The following PKN2 variants were observed in gnomAD, a reference collection of about 807,000 sequenced individuals.
PKN2 encodes the protein protein kinase N2.
PKN2 carries 38 observed loss-of-function variants against 119.1 expected under a neutral mutation model. The ratio of observed to expected loss-of-function variants is 0.32; its 90% CI spans 0.25 to 0.42. The LOEUF (loss-of-function observed/expected upper bound fraction) is 0.42. Ranked by LOEUF, PKN2 falls within the 10% of genes least tolerant of loss-of-function variation. The pLI, the probability that PKN2 is intolerant of heterozygous loss-of-function variation, is 1.00. For synonymous variants in PKN2, 390 were observed against 384.9 expected (o/e 1.01, Z -0.15); for missense variants, 850 against 1,165.1 (o/e 0.73, Z 3.94).
intron 8 of PKN2, among the ~76,000 whole-genome samples, chr1:88,797,898 A>G (rs571518719): frequency 1.4e-4 from 21 of 152,058 alleles, no homozygotes; most frequent in Middle Eastern, 3.2e-3. Flanking sequence ...GGAGGCTGAC[A>G]TGGGAGAATG....
chr1:88,732,627 T>C (rs1050776624), intron 1 of PKN2, among the ~76,000 whole-genome samples: 1 of 152,192 alleles, frequency 6.6e-6, no homozygotes, highest in African/African-American at 2.4e-5. Context: ...GAACATATTA[T>C]TAATTTTAAA....
chr1:88,797,790 C>G (rs1205502391), intron 8 of PKN2, among the ~76,000 whole-genome samples: 1 of 152,050 alleles, frequency 6.6e-6, no homozygotes, highest in Non-Finnish European at 1.5e-5. Flanking sequence ...TCTTACCTCT[C>G]TGATCTGTAA....
At chr1:88,696,931 TG>T (rs1382698191) in intron 1 of PKN2, among the ~76,000 whole-genome samples, 3 of 152,194 alleles carry the variant, frequency 2.0e-5, no homozygotes, top group African/African-American at 7.2e-5. Flanking sequence ...TCCCTATCTT[TG>T]CATATGCTGA....
chr1:88,800,588 CCCAT>C (rs1671263857), intron 8 of PKN2, among the ~76,000 whole-genome samples: 1 of 152,194 alleles, frequency 6.6e-6, no homozygotes, highest in Admixed American at 6.5e-5. Context: ...CTCACAGTGT[CCCAT>C]AGATGTCGCT....
At chr1:88,745,049 G>A (rs1668719838) in intron 2 of PKN2, among the ~76,000 whole-genome samples, 1 of 152,104 alleles carries the variant, frequency 6.6e-6, no homozygotes, top group Admixed American at 6.5e-5. Context: ...AAGCATTTAA[G>A]AAAATTCAAC....
intron 2 of PKN2, among the ~76,000 whole-genome samples, chr1:88,750,983 G>A (rs1293928735): frequency 6.6e-6 from 1 of 152,094 alleles, no homozygotes; most frequent in Non-Finnish European, 1.5e-5. Flanking sequence ...AGTGCTGTTA[G>A]TTTCTTGATT....
chr1:88,770,821 G>A (rs1187209179), intron 4 of PKN2, among the ~76,000 whole-genome samples: 4 of 150,676 alleles, frequency 2.7e-5, no homozygotes, highest in African/African-American at 7.3e-5. Context: ...TCCTGACCTC[G>A]TGATCCGCCC....
At chr1:88,770,039 A>G (rs1448038078) in intron 3 of PKN2, among the ~76,000 whole-genome samples, 1 of 152,226 alleles carries the variant, frequency 6.6e-6, no homozygotes, top group Non-Finnish European at 1.5e-5. Context: ...CACTATATGT[A>G]TGCATACCAA....
intron 8 of PKN2, among the ~76,000 whole-genome samples, chr1:88,788,414 G>A (rs997590084): frequency 2.6e-4 from 39 of 152,152 alleles, no homozygotes; most frequent in African/African-American, 9.2e-4. Context: ...CTCAGGCTAA[G>A]TAACTAGCGT....
At chr1:88,751,590 A>G (rs1669001105) in intron 2 of PKN2, among the ~76,000 whole-genome samples, 1 of 152,152 alleles carries the variant, frequency 6.6e-6, no homozygotes, top group Non-Finnish European at 1.5e-5. Flanking sequence ...ATTATGTAAT[A>G]AACTTAGAAT....
Position 88,771,594 on chromosome 1 carries a change from G to T in PKN2, c.768+28G>T, listed in dbSNP as rs199579064. ...AATTTTAAATAAAAATTTTTATTTG[G>T]TTTAATAAATACATTATTCAAAGTA... On this transcript the variant is annotated intron_variant, in intron 5 of 21. Coordinates refer to ENST00000370521, the MANE Select transcript of PKN2 (RefSeq NM_006256.4). 198 of 1,564,230 alleles carry T rather than the reference G, an allele frequency of 1.3e-4. No individual in the cohort carries two copies. The African/African-American group carries it at 2.4e-3, about 19-fold the overall frequency.
intron 2 of PKN2, among the ~76,000 whole-genome samples, chr1:88,747,885 G>A (rs999943129): frequency 3.9e-5 from 6 of 151,946 alleles, no homozygotes; most frequent in African/African-American, 1.5e-4. Flanking sequence ...TCTGTATTGA[G>A]GGAACTTTGT....
At chr1:88,701,400 C>A (rs1358499655) in intron 1 of PKN2, among the ~76,000 whole-genome samples, 3 of 152,180 alleles carry the variant, frequency 2.0e-5, no homozygotes, top group East Asian at 1.9e-4. Context: ...CTAGAGTTAG[C>A]CTTATCTTTT....
intron 16 of PKN2, among the ~76,000 whole-genome samples, chr1:88,816,203 A>G (rs1671984618): frequency 6.6e-6 from 1 of 152,200 alleles, no homozygotes; most frequent in Admixed American, 6.6e-5. Context: ...TGCCACAAAA[A>G]TAAGTTTGCT....
intron 1 of PKN2, among the ~76,000 whole-genome samples, chr1:88,729,891 AT>A (rs1668066701): frequency 1.3e-5 from 2 of 152,088 alleles, no homozygotes; most frequent in Admixed American, 6.5e-5. Flanking sequence ...CTGAGTTTCC[AT>A]TTCATTCAAA....
At chr1:88,712,344 A>G (rs2100687886) in intron 1 of PKN2, among the ~76,000 whole-genome samples, 1 of 152,274 alleles carries the variant, frequency 6.6e-6, no homozygotes, top group Non-Finnish European at 1.5e-5. Context: ...TATTCTAAGT[A>G]TAGGATAGAT....
intron 12 of PKN2, 145 bp from the exon 13 acceptor site, chr1:88,807,165 AATT>A (rs1671579264): frequency 1.7e-6 from 1 of 605,446 alleles, no homozygotes; most frequent in African/African-American, 1.9e-5. Flanking sequence ...AAGAAAAAAA[AATT>A]TTTTTAAAGA....
intron 15 of PKN2, among the ~76,000 whole-genome samples, chr1:88,812,254 A>G (rs1251255166): frequency 6.6e-6 from 1 of 152,186 alleles, no homozygotes; most frequent in Non-Finnish European, 1.5e-5. Context: ...ATACCTCATC[A>G]TTATTGTAAT....
intron 8 of PKN2, among the ~76,000 whole-genome samples, chr1:88,792,840 C>G (rs1366840799): frequency 6.6e-6 from 1 of 152,054 alleles, no homozygotes; most frequent in African/African-American, 2.4e-5. Context: ...GATTTTTCTC[C>G]CCTTCTTGGG....
Sources: allele counts gnomAD v4.1 joint callset (sites outside exome capture counted in the v4.1 genomes callset), GRCh38; gene constraint gnomAD v4.1.1; transcripts MANE v1.5; gene names NCBI Gene and HGNC (gene_info 2026-07-23, HGNC 2026-07-21).